RNF130: variants seen among roughly 807,000 people sequenced by gnomAD.
RNF130 encodes the protein ring finger protein 130, also known as E3 ubiquitin-protein ligase RNF130.
A neutral mutation model predicts 44.6 loss-of-function variants in RNF130; 21 were observed. The observed-to-expected ratio is 0.47, with a 90% CI of 0.33 to 0.68. RNF130 has a LOEUF of 0.68. RNF130 is among the 30% of genes least tolerant of loss of function. The probability of loss-of-function intolerance (pLI) is 0.02; values close to 1 mark genes in which losing one functional copy is unlikely to be tolerated. For missense variants in RNF130, 479 were observed against 560.6 expected (o/e 0.85, Z 1.47); for synonymous variants, 214 against 210.4 (o/e 1.02, Z -0.15).
chr5:179,985,288 C>T (rs1762929404), intron 3 of RNF130, among the ~76,000 whole-genome samples: 1 of 150,292 alleles, frequency 6.7e-6, no homozygotes, highest in Non-Finnish European at 1.5e-5. Flanking sequence ...TTTGTTTAGA[C>T]TTTCATGGCA....
chr5:180,043,009 G>A (rs1040287942), intron 1 of RNF130, among the ~76,000 whole-genome samples: 37 of 152,124 alleles, frequency 2.4e-4, no homozygotes, highest in African/African-American at 8.7e-4. Flanking sequence ...AATTTTACAC[G>A]TGAAAAAGCC....
chr5:179,960,470 C>T (rs1414319066), intron 8 of RNF130, among the ~76,000 whole-genome samples: 1 of 152,224 alleles, frequency 6.6e-6, no homozygotes, highest in Non-Finnish European at 1.5e-5. Flanking sequence ...AGCCCTTGGT[C>T]AATGCACCGA....
chr5:180,055,691 A>C (rs1764802791), intron 1 of RNF130, among the ~76,000 whole-genome samples: 1 of 152,204 alleles, frequency 6.6e-6, no homozygotes. Flanking sequence ...ATTGTCCCTC[A>C]TCAAATGGAC....
At chr5:179,956,693 A>G (rs1480096188) in intron 8 of RNF130, among the ~76,000 whole-genome samples, 3 of 152,192 alleles carry the variant, frequency 2.0e-5, no homozygotes, top group Non-Finnish European at 2.9e-5. Context: ...TCTTCCATGC[A>G]GCCTTTTCAG....
intron 7 of RNF130, among the ~76,000 whole-genome samples, chr5:179,943,152 G>A (rs948390114): frequency 2.0e-5 from 3 of 152,318 alleles, no homozygotes; most frequent in Non-Finnish European, 4.4e-5. Context: ...CTGAGATCGC[G>A]CCACTGCACT....
chr5:179,925,531 T>C (rs1761695826), intron 7 of RNF130, among the ~76,000 whole-genome samples: 1 of 152,152 alleles, frequency 6.6e-6, no homozygotes, highest in Non-Finnish European at 1.5e-5. Context: ...ATTTATTTTA[T>C]TATTTTCTTC....
chr5:179,937,309 G>A (rs1266294932), intron 7 of RNF130, among the ~76,000 whole-genome samples: 2 of 152,146 alleles, frequency 1.3e-5, no homozygotes, highest in African/African-American at 4.8e-5. Context: ...TATCTGATAA[G>A]GGCCTAGTAT....
intron 2 of RNF130, among the ~76,000 whole-genome samples, chr5:180,037,332 G>A (rs1029327634): frequency 6.6e-6 from 1 of 152,190 alleles, no homozygotes; most frequent in East Asian, 1.9e-4. Flanking sequence ...CACGGTTGGA[G>A]GTGAAATGTG....
intron 5 of RNF130, among the ~76,000 whole-genome samples, chr5:179,974,913 G>C (rs1392784461): frequency 3.9e-5 from 6 of 152,262 alleles, no homozygotes; most frequent in Non-Finnish European, 8.8e-5. Context: ...CACGCTGAGG[G>C]AATTAAACCC....
intron 7 of RNF130, among the ~76,000 whole-genome samples, chr5:179,940,293 T>C (rs1435624655): frequency 6.6e-6 from 1 of 151,836 alleles, no homozygotes; most frequent in Non-Finnish European, 1.5e-5. Flanking sequence ...CGATCTCGGC[T>C]CACTGCAACT....
At position 179,998,879 on chromosome 5, in the gene RNF130, ATATATGTTT is replaced by A. The variant is rs1406022009; in HGVS notation, c.693+14173_693+14181del. Among the ~76,000 whole-genome samples, 77 of 129,450 alleles carry A rather than the reference ATATATGTTT, an allele frequency of 5.9e-4. 6 individuals carry two copies. Among genetic ancestry groups the A allele is most frequent in the Admixed American group, 1.5e-3 (19 of 12,744 alleles). 84.9% of individuals were successfully genotyped at this position (129,450 alleles called of 152,430 possible). ...ATTTTTTATATATATATATATATAT[ATATATGTTT>A]TATATATCTGAGTGCTCCAGTGTTG... On this transcript the variant is annotated intron_variant, in intron 3 of 8. Transcript: ENST00000521389.
At chr5:179,960,250 T>C in intron 8 of RNF130, among the ~76,000 whole-genome samples, 1 of 152,226 alleles carries the variant, frequency 6.6e-6, no homozygotes, top group East Asian at 1.9e-4. Context: ...TATGTAAATA[T>C]ATTTACCTTG....
chr5:179,945,441 A>T (rs563067426), intron 7 of RNF130, among the ~76,000 whole-genome samples: 21 of 152,298 alleles, frequency 1.4e-4, no homozygotes, highest in Non-Finnish European at 2.5e-4. Flanking sequence ...ATCTTTTCAT[A>T]CAAGGAAAGA....
In RNF130 at chr5:180,022,121, C is replaced by A. The variant is rs76856600; in HGVS notation, c.443-8810G>T. Reference sequence around the variant, plus strand: ...TTTTCAGTGTACACCACCAGGCGGCCGAGAGCTTTTTTTTATTTGCCATTA... The same window carrying A: ...TTTTCAGTGTACACCACCAGGCGGCAGAGAGCTTTTTTTTATTTGCCATTA... On this transcript the variant is annotated intron_variant, in intron 2 of 8. Coordinates refer to ENST00000521389, the MANE Select transcript of RNF130 (RefSeq NM_018434.6). 5.6e-3 allele frequency among the ~76,000 whole-genome samples: 856 copies of A among 152,264 alleles called. 44 individuals are homozygous for A. In the East Asian group the frequency reaches 0.12, roughly 22 times the overall value.
At chr5:179,978,437 A>G in intron 4 of RNF130, 152 bp from the exon 5 acceptor site, 1 of 595,270 alleles carries the variant, frequency 1.7e-6, no homozygotes, top group Non-Finnish European at 3.0e-6. Context: ...TTATTTGCCT[A>G]ACTATATTGG....
intron 7 of RNF130, among the ~76,000 whole-genome samples, chr5:179,945,569 G>A (rs1485358448): frequency 6.6e-6 from 1 of 152,132 alleles, no homozygotes; most frequent in African/African-American, 2.4e-5. Flanking sequence ...GAAAACAGAG[G>A]CTGGGAGAGG....
chr5:179,926,059 A>T (rs1028121575), intron 7 of RNF130, among the ~76,000 whole-genome samples: 1 of 152,138 alleles, frequency 6.6e-6, no homozygotes, highest in African/African-American at 2.4e-5. Context: ...ACGATAAGGT[A>T]AATGTGCACT....
intron 1 of RNF130, among the ~76,000 whole-genome samples, chr5:180,061,468 C>T (rs1764984269): frequency 6.6e-6 from 1 of 152,192 alleles, no homozygotes; most frequent in African/African-American, 2.4e-5. Context: ...CTCATTGTCT[C>T]ACAGTTCTGG....
chr5:180,003,306 A>G (rs1763389525), intron 3 of RNF130, among the ~76,000 whole-genome samples: 1 of 152,132 alleles, frequency 6.6e-6, no homozygotes, highest in Non-Finnish European at 1.5e-5. Flanking sequence ...TGCATTATGG[A>G]ATAGCCAAAA....
Sources: allele counts gnomAD v4.1 joint callset (sites outside exome capture counted in the v4.1 genomes callset), GRCh38; gene constraint gnomAD v4.1.1; transcripts MANE v1.5; gene names NCBI Gene and HGNC (gene_info 2026-07-23, HGNC 2026-07-21).